TRAK1: variants seen among roughly 807,000 people sequenced by gnomAD.
TRAK1 encodes the protein trafficking kinesin-binding protein 1.
A neutral mutation model predicts 92.1 loss-of-function variants in TRAK1; 33 were observed. That is an observed-to-expected ratio of 0.36 (90% CI 0.27 to 0.48). TRAK1 has a LOEUF of 0.48. TRAK1 is among the 20% of genes least tolerant of loss of function. TRAK1 has a pLI of 0.99. For missense variants in TRAK1, 1,123 were observed against 1,257.9 expected, an observed-to-expected ratio of 0.89 and a Z score of 1.62; for synonymous variants, 521 against 517.3, an observed-to-expected ratio of 1.01 and a Z score of -0.10.
In TRAK1 at chr3:42,223,849, C is replaced by G; in HGVS notation, c.*112C>G. 8.0e-7 allele frequency: 1 copy of G among 1,243,954 alleles called. No homozygotes were observed. Among genetic ancestry groups the G allele is most frequent in the East Asian group, 2.4e-5 (1 of 40,920 alleles). The allele number at this position is 1,243,954 out of a possible 1,614,324, so 77.1% of individuals were successfully genotyped here. A position where few individuals can be genotyped will look rare whatever the true frequency, so the allele number is the denominator to read the frequency against. On this transcript the variant is annotated 3_prime_UTR_variant, in exon 16 of 16. Coordinates refer to ENST00000327628, the MANE Select transcript of TRAK1 (RefSeq NM_001042646.3). The surrounding 1 kb of genome is among the most constrained non-coding windows in gnomAD (Gnocchi z 6.1). ...CCCTCCCTCTGCCCTTCTCTGTCCACCCCCTCCTAAGCTAGACAAATCAAC... is the reference window on the plus strand; with the variant it reads ...CCCTCCCTCTGCCCTTCTCTGTCCAGCCCCTCCTAAGCTAGACAAATCAAC...
chr3:42,223,447 T>C lies in TRAK1; in HGVS notation c.2572T>C (p.Ser858Pro). ...RRFGVAKVVNSGRAHVPTLTE... is the reference protein window; with the variant it reads ...RRFGVAKVVNPGRAHVPTLTE... ...GTTTGGGGTGGCCAAAGTGGTGAACTCAGGGCGAGCCCATGTCCCCACCTT... is the reference window on the plus strand; with the variant it reads ...GTTTGGGGTGGCCAAAGTGGTGAACCCAGGGCGAGCCCATGTCCCCACCTT... Residue 858 changes from serine to proline, a missense_variant, in exon 16 of 16, where the codon TCA (serine) becomes CCA (proline). Coordinates refer to ENST00000327628, the MANE Select transcript of TRAK1 (RefSeq NM_001042646.3). The surrounding 1 kb of genome is among the most constrained non-coding windows in gnomAD (Gnocchi z 6.1). The C allele has an allele frequency of 6.2e-7, 1 of 1,614,016 alleles. No individual in the cohort carries two copies. The highest frequency in any genetic ancestry group is 1.1e-5 in the South Asian group (1 of 91,080).
chr3:42,195,557 C>A (rs1368774171), intron 10 of TRAK1, among the ~76,000 whole-genome samples: 2 of 152,090 alleles, frequency 1.3e-5, no homozygotes, highest in Non-Finnish European at 2.9e-5. Flanking sequence ...GGAGCTCTTT[C>A]CCTTCAGCCC....
intron 9 of TRAK1, among the ~76,000 whole-genome samples, chr3:42,194,584 G>A (rs546215169): frequency 1.3e-5 from 2 of 152,182 alleles, no homozygotes; most frequent in African/African-American, 4.8e-5. Context: ...GCCCATTGTT[G>A]GTATTTTAGA....
At chr3:42,074,254 A>G (rs1433802781) in intron 1 of TRAK1, among the ~76,000 whole-genome samples, 1 of 152,228 alleles carries the variant, frequency 6.6e-6, no homozygotes, top group African/African-American at 2.4e-5. Flanking sequence ...TGTAAGCCTT[A>G]AACAGGGTCA....
chr3:42,036,108 T>C (rs942974918), intron 1 of TRAK1, among the ~76,000 whole-genome samples: 4 of 152,180 alleles, frequency 2.6e-5, no homozygotes, highest in Non-Finnish European at 4.4e-5. Flanking sequence ...AGGGCATCTG[T>C]GAGAGGCTTT....
chr3:42,196,973 CTCTT>C (rs1272121201), intron 10 of TRAK1, among the ~76,000 whole-genome samples: 4 of 110,530 alleles, frequency 3.6e-5, no homozygotes, highest in South Asian at 6.3e-4. Context: ...CTCTCTCTCT[CTCTT>C]TCTCTTTCTC....
intron 1 of TRAK1, among the ~76,000 whole-genome samples, chr3:42,110,028 C>G (rs897049773): frequency 7.3e-6 from 1 of 136,464 alleles, no homozygotes; most frequent in South Asian, 2.4e-4. Context: ...TGCAGCACAC[C>G]AACATGGCAC....
intron 1 of TRAK1, among the ~76,000 whole-genome samples, chr3:42,078,828 G>T (rs1704288577): frequency 2.0e-5 from 3 of 151,986 alleles, no homozygotes; most frequent in Non-Finnish European, 2.9e-5. Context: ...AATTCCAAGT[G>T]TGAAAAGGAT....
chr3:42,094,549 T>C (rs1168393444), intron 1 of TRAK1, among the ~76,000 whole-genome samples: 2 of 152,052 alleles, frequency 1.3e-5, no homozygotes, highest in African/African-American at 4.8e-5. Context: ...GCTATTTTTT[T>C]TTGGTAGCAG....
In TRAK1 at chr3:42,174,736, A is replaced by AT. The variant is rs979170743; in HGVS notation, c.287-2068dup. Among the ~76,000 whole-genome samples the AT allele has an allele frequency of 6.6e-3, 969 of 146,968 alleles. 6 individuals are homozygous for AT. The highest frequency in any genetic ancestry group is 0.021 in the African/African-American group (841 of 40,436). ...TATAAAATTTTATATATATACAAAA[A>AT]TTTTTTTTTTAGTGGAGACAGGGTT... is the stretch of plus-strand genomic sequence containing the variant. On this transcript the variant is annotated intron_variant, in intron 2 of 15. Coordinates refer to ENST00000327628, the MANE Select transcript of TRAK1 (RefSeq NM_001042646.3).
intron 2 of TRAK1, among the ~76,000 whole-genome samples, chr3:42,147,750 A>G (rs185202191): frequency 2.8e-4 from 43 of 152,334 alleles, no homozygotes; most frequent in Non-Finnish European, 5.1e-4. Context: ...CTGATGTGGT[A>G]TCCTGCCCAG....
chr3:42,151,510 CATCT>C (rs1316242704), intron 2 of TRAK1: 10 of 333,490 alleles, frequency 3.0e-5, no homozygotes, highest in Non-Finnish European at 5.8e-5. Flanking sequence ...TGTCCTTTAT[CATCT>C]ATCCCATTTT....
At chr3:42,222,534 G>T (rs1201490046) in intron 15 of TRAK1, among the ~76,000 whole-genome samples, 1 of 152,218 alleles carries the variant, frequency 6.6e-6, no homozygotes, top group African/African-American at 2.4e-5. Context: ...TGGAATCTGG[G>T]TAAATTTGGT....
At chr3:42,030,246 C>G (rs1158750924) in intron 1 of TRAK1, among the ~76,000 whole-genome samples, 2 of 151,534 alleles carry the variant, frequency 1.3e-5, no homozygotes, top group African/African-American at 4.8e-5. Flanking sequence ...CCAGCATGGG[C>G]AACATTGGGA....
At chr3:42,160,021 C>T (rs1214728138) in intron 2 of TRAK1, 3 of 343,264 alleles carry the variant, frequency 8.7e-6, no homozygotes, top group Non-Finnish European at 1.3e-5. Flanking sequence ...TCTAGGAGGC[C>T]GAGAGCTTGC....
intron 2 of TRAK1, among the ~76,000 whole-genome samples, chr3:42,153,459 T>A (rs761453497): frequency 2.6e-5 from 4 of 152,140 alleles, no homozygotes; most frequent in Non-Finnish European, 5.9e-5. Context: ...ACCACCTGTT[T>A]GTTGCTTCAG....
rs76447724 is a variant in TRAK1 at position 42,114,392 on chromosome 3, C to T, written c.92-11028C>T. 6.0e-3 allele frequency among the ~76,000 whole-genome samples: 915 copies of T among 152,244 alleles called. 7 individuals are homozygous for T. Among genetic ancestry groups the T allele is most frequent in the African/African-American group, 0.021 (862 of 41,538 alleles). On this transcript the variant is annotated intron_variant, in intron 1 of 15. Coordinates refer to ENST00000327628, the MANE Select transcript of TRAK1 (RefSeq NM_001042646.3). Reference sequence around the variant, plus strand: ...CAATTGTGTTTGACTTTTTGAGGAACCTGGTTATGCATGTTTTTAACTTTG... The same window carrying T: ...CAATTGTGTTTGACTTTTTGAGGAATCTGGTTATGCATGTTTTTAACTTTG...
chr3:42,125,962 TGCTTCAGCCTCCCGAGTAGCTGGG>T (rs1362626389), intron 2 of TRAK1, among the ~76,000 whole-genome samples: 2 of 152,070 alleles, frequency 1.3e-5, no homozygotes, highest in Non-Finnish European at 2.9e-5. Flanking sequence ...ACGATTCTCC[TGCTTCAGCCTCCCGAGTAGCTGGG>T]GCTACAGGCG....
intron 6 of TRAK1, among the ~76,000 whole-genome samples, chr3:42,190,787 C>G (rs180848481): frequency 6.6e-6 from 1 of 152,038 alleles, no homozygotes; most frequent in Admixed American, 6.5e-5. Context: ...CTCCCTCCCT[C>G]TCTCCCTTCC....
Sources: gnomAD v4.1 joint callset for allele counts (sites outside exome capture counted in the v4.1 genomes callset) on GRCh38, gnomAD v4.1.1 for gene constraint, Gnocchi (gnomAD v3.1) non-coding constraint, MANE v1.5 for transcripts, NCBI Gene and HGNC (gene_info 2026-07-23, HGNC 2026-07-21) for gene names.